The following CIMIP2C variants were observed in gnomAD, a reference collection of about 807,000 sequenced individuals.
CIMIP2C encodes UPF0573 protein C2orf70.
chr2:26,575,200 G>A, the CIMIP2C span, among the ~76,000 whole-genome samples: 1 of 152,232 alleles, frequency 6.6e-6, no homozygotes, highest in African/African-American at 2.4e-5. Context: ...CAGAACCTTA[G>A]TCAGCTCTCC....
the CIMIP2C span, chr2:26,579,315 G>T: frequency 1.9e-6 from 3 of 1,614,078 alleles, no homozygotes; most frequent in South Asian, 1.1e-5. Flanking sequence ...GCCCAAAGAA[G>T]AAGTGGCACC....
At chr2:26,576,551 G>T in the CIMIP2C span, among the ~76,000 whole-genome samples, 1 of 152,148 alleles carries the variant, frequency 6.6e-6, no homozygotes, top group Admixed American at 6.5e-5. Context: ...TAAGGTCTAA[G>T]ATCCACCCAC....
chr2:26,570,826 A>G, the CIMIP2C span, among the ~76,000 whole-genome samples: 1 of 151,926 alleles, frequency 6.6e-6, no homozygotes. Context: ...ACCAGGGAGG[A>G]GATTGGAGAT....
At chr2:26,576,075 T>TG in the CIMIP2C span, 57 of 1,614,068 alleles carry the variant, frequency 3.5e-5, no homozygotes, top group East Asian at 1.3e-3. Context: ...CTCCTGCTGA[T>TG]GGAGCGCGCC....
chr2:26,564,983 T>A, the CIMIP2C span, among the ~76,000 whole-genome samples: 1 of 152,202 alleles, frequency 6.6e-6, no homozygotes, highest in Non-Finnish European at 1.5e-5. Context: ...TCCAACTATG[T>A]ACCAGGCACT....
chr2:26,572,349 G>GTTTTTTTTTTTTTTTT, the CIMIP2C span, among the ~76,000 whole-genome samples: 2 of 138,658 alleles, frequency 1.4e-5, no homozygotes, highest in African/African-American at 2.7e-5. Context: ...TACTGAGTTG[G>GTTTTTTTTTTTTTTTT]TTTTTTTTTT....
chr2:26,565,868 C>A, the CIMIP2C span, among the ~76,000 whole-genome samples: 1 of 152,246 alleles, frequency 6.6e-6, no homozygotes, highest in Non-Finnish European at 1.5e-5. Flanking sequence ...CCTCGCCGGC[C>A]AGGGTGCTCC....
the CIMIP2C span, among the ~76,000 whole-genome samples, chr2:26,575,262 G>A: frequency 0.072 from 10,903 of 152,204 alleles, 472 homozygotes; most frequent in Middle Eastern, 0.11. Context: ...GCAAGGCTGC[G>A]GCGTCCTGAA....
the CIMIP2C span, chr2:26,579,361 C>T: frequency 3.1e-6 from 5 of 1,614,076 alleles, no homozygotes; most frequent in South Asian, 3.3e-5. Context: ...GAAGACCTAC[C>T]AGACCTTCCC....
the CIMIP2C span, chr2:26,575,819 C>T: frequency 6.7e-7 from 1 of 1,500,702 alleles, no homozygotes; most frequent in African/African-American, 1.4e-5. Context: ...CCACAGCATC[C>T]TCCACTTTTA....
At chr2:26,567,137 C>G in the CIMIP2C span, among the ~76,000 whole-genome samples, 1 of 152,158 alleles carries the variant, frequency 6.6e-6, no homozygotes, top group African/African-American at 2.4e-5. Flanking sequence ...GCCTGTAGCC[C>G]ACTACTGCCT....
the CIMIP2C span, among the ~76,000 whole-genome samples, chr2:26,564,566 C>T: frequency 6.6e-6 from 1 of 152,196 alleles, no homozygotes; most frequent in African/African-American, 2.4e-5. Context: ...GTTGTGTTCC[C>T]CTTAAAGATT....
the CIMIP2C span, among the ~76,000 whole-genome samples, chr2:26,569,567 G>A: frequency 6.6e-6 from 1 of 152,214 alleles, no homozygotes; most frequent in South Asian, 2.1e-4. Context: ...TTGATCATGG[G>A]ATCTCTGATG....
chr2:26,562,715 C>A, the CIMIP2C span: 1 of 1,538,162 alleles, frequency 6.5e-7, no homozygotes, highest in Non-Finnish European at 8.8e-7. Context: ...CTCCTCCCCT[C>A]CCCCTTCCAC....
the CIMIP2C span, among the ~76,000 whole-genome samples, chr2:26,565,772 T>C: frequency 6.6e-6 from 1 of 152,252 alleles, no homozygotes; most frequent in Admixed American, 6.5e-5. Context: ...TTGTTAGCTG[T>C]TATCATTAGT....
the CIMIP2C span, among the ~76,000 whole-genome samples, chr2:26,575,466 G>C: frequency 6.6e-6 from 1 of 152,220 alleles, no homozygotes; most frequent in African/African-American, 2.4e-5. Context: ...CTACAGCATT[G>C]ACTGGGGGGG....
chr2:26,571,825 A>G, the CIMIP2C span, among the ~76,000 whole-genome samples: 1 of 152,174 alleles, frequency 6.6e-6, no homozygotes, highest in Admixed American at 6.5e-5. Context: ...GAATGGACGG[A>G]TGGATGGATG....
chr2:26,565,942 C>T, the CIMIP2C span, among the ~76,000 whole-genome samples: 1 of 152,250 alleles, frequency 6.6e-6, no homozygotes, highest in African/African-American at 2.4e-5. Context: ...CAGTGCCTGC[C>T]TACGCCTGGC....
chr2:26,575,475 G>C, the CIMIP2C span, among the ~76,000 whole-genome samples: 2 of 152,184 alleles, frequency 1.3e-5, no homozygotes, highest in South Asian at 2.1e-4. Flanking sequence ...TGACTGGGGG[G>C]GTATCTGGTG....
Sources: allele counts gnomAD v4.1 joint callset (sites outside exome capture counted in the v4.1 genomes callset), GRCh38; gene constraint gnomAD v4.1.1; transcripts MANE v1.5; gene names NCBI Gene and HGNC (gene_info 2026-07-23, HGNC 2026-07-21).